PABIR2: variants seen among roughly 807,000 people sequenced by gnomAD.
The protein encoded by PABIR2 is family with sequence similarity 122B.
A neutral mutation model predicts 22.8 loss-of-function variants in PABIR2; 7 were observed. The ratio of observed to expected loss-of-function variants is 0.31; its 90% confidence interval spans 0.17 to 0.58. The LOEUF (loss-of-function observed/expected upper bound fraction) is 0.58. Ranked by LOEUF, PABIR2 falls within the 20% of genes least tolerant of loss-of-function variation. PABIR2 has a pLI of 0.89. For synonymous variants in PABIR2, 67 were observed against 73.8 expected, an observed-to-expected ratio of 0.91 and a Z score of 0.47; for missense variants, 155 against 205.1, an observed-to-expected ratio of 0.76 and a Z score of 1.49.
chrX:134,797,164 C>A lies in PABIR2; in HGVS notation c.-959G>T, dbSNP rs2079903599. The stretch of plus-strand genomic sequence containing the variant: ...CCCACGCTTCAGAAGCGGGAACCTC[C>A]GCTGGGCCAGTTCTTCCGCGTCCGG... On this transcript the variant is annotated 5_prime_UTR_variant, in exon 1 of 10. The change creates a premature stop within an existing upstream ORF in the 5' untranslated region. Coordinates refer to ENST00000343004, the MANE Select transcript of PABIR2 (RefSeq NM_001387468.1). 8.8e-6 allele frequency: 1 copy of A among 114,059 alleles called. No homozygotes were observed. Among genetic ancestry groups the A allele is most frequent in the Non-Finnish European group, 1.9e-5 (1 of 53,484 alleles). The allele number at this position is 114,059 out of a possible 1,213,427, so 9.4% of individuals were successfully genotyped here.
Position 134,771,225 on chromosome X carries a change from C to T in PABIR2, c.*914G>A. ...CAAGGCACCTGAGGCCTCATAATAC[C>T]ACTCGAGACACTGACAGCTCCATGG... On this transcript the variant is annotated 3_prime_UTR_variant, in exon 10 of 10. Coordinates refer to ENST00000343004, the MANE Select transcript of PABIR2 (RefSeq NM_001387468.1). 4 of 1,066,575 alleles carry T rather than the reference C, an allele frequency of 3.8e-6. No homozygotes were observed. The highest frequency in any genetic ancestry group is 4.7e-5 in the South Asian group (2 of 42,538). The allele number at this position is 1,066,575 out of a possible 1,213,427, so 87.9% of individuals were successfully genotyped here.
Position 134,776,065 on chromosome X carries a change from G to T in PABIR2, c.660-3782C>A, listed in dbSNP as rs765086560. On this transcript the variant is annotated intron_variant, in intron 9 of 9. Transcript: ENST00000343004. Reference sequence around the variant, plus strand: ...AACTATCAGCACAGATGTCTAAGTTGCTCACATAAACATCTCTAAAGTGTG... The same window carrying T: ...AACTATCAGCACAGATGTCTAAGTTTCTCACATAAACATCTCTAAAGTGTG... Among the ~76,000 whole-genome samples, 7 of 109,570 alleles carry T rather than the reference G, an allele frequency of 6.4e-5. No individual in the cohort carries two copies. The South Asian group carries it at 2.6e-3, about 41-fold the overall frequency.
Position 134,796,058 on chromosome X carries a change from G to A in PABIR2, c.98+50C>T, listed in dbSNP as rs189912949. ...TAAGGAAGGAAGATTGCTTGCATGGGGGCAAGGAGCCCCTGAATCCTGTAC... is the reference window on the plus strand; with the variant it reads ...TAAGGAAGGAAGATTGCTTGCATGGAGGCAAGGAGCCCCTGAATCCTGTAC... On this transcript the variant is annotated intron_variant, in intron 1 of 9. Coordinates refer to ENST00000343004, the MANE Select transcript of PABIR2 (RefSeq NM_001387468.1). 1.4e-4 allele frequency: 162 copies of A among 1,118,434 alleles called. No individual in the cohort carries two copies. The African/African-American group carries it at 2.8e-3, about 20-fold the overall frequency. The allele number at this position is 1,118,434 out of a possible 1,213,427, so 92.2% of individuals were successfully genotyped here.
intron 9 of PABIR2, among the ~76,000 whole-genome samples, chrX:134,778,891 C>A (rs1324620507): frequency 2.7e-5 from 3 of 110,535 alleles, no homozygotes; most frequent in African/African-American, 9.9e-5. Flanking sequence ...CAGCTCGCTG[C>A]AAGCTCTGCC....
At chrX:134,787,554 A>G in intron 6 of PABIR2, 21 bp from the exon 7 acceptor site, 1 of 1,173,879 alleles carries the variant, frequency 8.5e-7, no homozygotes, top group Non-Finnish European at 1.2e-6. Context: ...GGTGAAAAAC[A>G]TTACTAGAAA....
At chrX:134,791,614 A>T (rs1201575867) in intron 2 of PABIR2, 1 of 328,466 alleles carries the variant, frequency 3.0e-6, no homozygotes, top group Non-Finnish European at 5.9e-6. Flanking sequence ...AAGCAACAGG[A>T]GAGTCAAAAG....
At chrX:134,787,015 G>A (rs781124666) in intron 7 of PABIR2, among the ~76,000 whole-genome samples, 43 of 110,845 alleles carry the variant, frequency 3.9e-4, no homozygotes, top group Admixed American at 1.7e-3. Flanking sequence ...TAGGCAGTGG[G>A]TATATGGTTG....
In PABIR2 at chrX:134,771,124, G is replaced by T; in HGVS notation, c.*1015C>A. The T allele has an allele frequency of 2.7e-6, 1 of 369,412 alleles. No individual in the cohort carries two copies. Among genetic ancestry groups the T allele is most frequent in the Non-Finnish European group, 4.4e-6 (1 of 225,025 alleles). The allele number at this position is 369,412 out of a possible 1,213,427, so 30.4% of individuals were successfully genotyped here. ...AAAAAAGCAGCAACAGAAACAGTAT[G>T]TGGCAATCATTCACATAAGGCCCCT... is the stretch of plus-strand genomic sequence containing the variant. On this transcript the variant is annotated 3_prime_UTR_variant, in exon 10 of 10. Transcript: ENST00000343004.
Position 134,796,230 on chromosome X carries a change from G to C in PABIR2, c.-25C>G, listed in dbSNP as rs369583664. ...TGTCAGACTTGCAGGCAGGCACAGC[G>C]GGCAGTGCTCAGCTCCTGGTGCTTA... is the stretch of plus-strand genomic sequence containing the variant. On this transcript the variant is annotated 5_prime_UTR_variant, in exon 1 of 10. Transcript: ENST00000343004. The C allele has an allele frequency of 8.6e-7, 1 of 1,162,315 alleles. No homozygotes were observed. The highest frequency in any genetic ancestry group is 2.2e-5 in the Admixed American group (1 of 45,599).
intron 9 of PABIR2, among the ~76,000 whole-genome samples, chrX:134,778,084 G>T (rs1419772873): frequency 2.9e-5 from 3 of 103,022 alleles, no homozygotes; most frequent in Middle Eastern, 9.9e-3. Context: ...GTAGAGACGG[G>T]GTTTCACCAT....
At position 134,785,289 on chromosome X, in the gene PABIR2, G is replaced by A. The variant is rs1603031161; in HGVS notation, c.562+597C>T. ...ACAGGAGTTCTAGTTTTTAATTCAA[G>A]CTTGGCTAGGTATAAGACCAGAAGC... On this transcript the variant is annotated intron_variant, in intron 8 of 9. Coordinates refer to ENST00000343004, the MANE Select transcript of PABIR2 (RefSeq NM_001387468.1). 2.7e-5 allele frequency among the ~76,000 whole-genome samples: 3 copies of A among 111,634 alleles called. No individual in the cohort carries two copies. In the South Asian group the frequency reaches 1.1e-3, roughly 42 times the overall value.
intron 8 of PABIR2, 138 bp from the exon 9 acceptor site, chrX:134,782,055 T>G (rs1019070431): frequency 8.1e-6 from 3 of 371,098 alleles, no homozygotes; most frequent in Non-Finnish European, 1.3e-5. Flanking sequence ...CCCATGTGCT[T>G]TAACATGGAA....
intron 6 of PABIR2, among the ~76,000 whole-genome samples, chrX:134,788,210 AAT>A (rs1442817641): frequency 1.7e-5 from 1 of 60,162 alleles, no homozygotes; most frequent in Non-Finnish European, 2.8e-5. Flanking sequence ...ATATATGTGT[AAT>A]ATATACACGT....
chrX:134,786,668 A>C (rs1190992709), intron 7 of PABIR2, among the ~76,000 whole-genome samples: 2 of 111,506 alleles, frequency 1.8e-5, no homozygotes, highest in Non-Finnish European at 3.8e-5. Flanking sequence ...CCCCCTAAAA[A>C]ACTCTGGGGC....
In PABIR2 at chrX:134,771,953, A is replaced by G; in HGVS notation, c.*186T>C. Reference sequence around the variant, plus strand: ...AATGAGATCAGCAAAACCAGATACTAGTAAGGTCACTAGGCTCACAAAATT... The same window carrying G: ...AATGAGATCAGCAAAACCAGATACTGGTAAGGTCACTAGGCTCACAAAATT... On this transcript the variant is annotated 3_prime_UTR_variant, in exon 10 of 10. Transcript: ENST00000343004. The G allele has an allele frequency of 1.0e-6, 1 of 963,859 alleles. No individual in the cohort carries two copies. Among genetic ancestry groups the G allele is most frequent in the Non-Finnish European group, 1.3e-6 (1 of 770,593 alleles). 79.4% of individuals were successfully genotyped at this position (963,859 alleles called of 1,213,427 possible).
rs777211150 is a variant in PABIR2 at position 134,772,103 on chromosome X, A to C, written c.*36T>G. 3 of 1,166,372 alleles carry C rather than the reference A, an allele frequency of 2.6e-6. No individual in the cohort carries two copies. In the African/African-American group the frequency reaches 5.3e-5, roughly 21 times the overall value. On this transcript the variant is annotated 3_prime_UTR_variant, in exon 10 of 10. Coordinates refer to ENST00000343004, the MANE Select transcript of PABIR2 (RefSeq NM_001387468.1). ...TCCCCACTAAACATTTTATGTAGGA[A>C]ACAGCAGTTAAAACGTTGAATCAGA...
chrX:134,789,716 TC>T (rs1191862097), intron 2 of PABIR2, 80 bp from the exon 3 acceptor site: 2 of 871,014 alleles, frequency 2.3e-6, no homozygotes, highest in Non-Finnish European at 3.2e-6. Flanking sequence ...TACAACCTCT[TC>T]CTAGGTAAGT....
At chrX:134,780,109 C>G (rs1004846516) in intron 9 of PABIR2, among the ~76,000 whole-genome samples, 1 of 112,831 alleles carries the variant, frequency 8.9e-6, no homozygotes, top group Non-Finnish European at 1.9e-5. Flanking sequence ...CTAGAATAAT[C>G]TGTGACTTCT....
At chrX:134,780,645 A>G (rs759675623) in intron 9 of PABIR2, among the ~76,000 whole-genome samples, 1 of 112,502 alleles carries the variant, frequency 8.9e-6, no homozygotes, top group Admixed American at 9.4e-5. Flanking sequence ...GAAAAACAGT[A>G]CACAATTGAT....
Sources: gnomAD v4.1 joint callset for allele counts (sites outside exome capture counted in the v4.1 genomes callset) on GRCh38, gnomAD v4.1.1 for gene constraint, MANE v1.5 for transcripts, NCBI Gene and HGNC (gene_info 2026-07-23, HGNC 2026-07-21) for gene names.